The following GALNT14 variants were observed in gnomAD, a reference collection of about 807,000 sequenced individuals.
GALNT14 encodes the protein UDP-GalNAc:polypeptide N-acetylgalactosaminyltransferase 14.
GALNT14 carries 60 observed loss-of-function variants against 77.5 expected under a neutral mutation model. The ratio of observed to expected loss-of-function variants is 0.77; its 90% CI spans 0.63 to 0.96. GALNT14 has a LOEUF of 0.96. Ranked by LOEUF, GALNT14 falls within the 40% of genes least tolerant of loss-of-function variation. GALNT14 has a pLI of 0.00. For missense variants in GALNT14, 710 were observed against 731.0 expected (o/e 0.97, Z 0.33); for synonymous variants, 280 against 281.7 (o/e 0.99, Z 0.06).
chr2:31,114,646 T>TA, intron 1 of GALNT14: 1 of 652,360 alleles, frequency 1.5e-6, no homozygotes, highest in South Asian at 1.8e-5. Flanking sequence ...GAACAGACTC[T>TA]AAAAACCCAG....
chr2:31,032,713 C>T (rs905456041), intron 1 of GALNT14, among the ~76,000 whole-genome samples: 1 of 152,182 alleles, frequency 6.6e-6, no homozygotes, highest in African/African-American at 2.4e-5. Context: ...CTCTGCACAA[C>T]TCCATAGCAT....
intron 1 of GALNT14, among the ~76,000 whole-genome samples, chr2:31,055,050 C>A (rs949872571): frequency 1.3e-5 from 2 of 152,150 alleles, no homozygotes; most frequent in Non-Finnish European, 2.9e-5. Flanking sequence ...TGCATTAAAC[C>A]ATCTGAACAA....
intron 1 of GALNT14, among the ~76,000 whole-genome samples, chr2:31,056,706 T>A (rs1341801070): frequency 6.6e-6 from 1 of 152,168 alleles, no homozygotes; most frequent in African/African-American, 2.4e-5. Context: ...AATCGGGTAT[T>A]TCAAAATATT....
intron 9 of GALNT14, among the ~76,000 whole-genome samples, chr2:30,935,551 C>T (rs1450814370): frequency 2.0e-5 from 3 of 152,166 alleles, no homozygotes; most frequent in Non-Finnish European, 2.9e-5. Context: ...ATTGGAGGCA[C>T]GTGTCTTGAC....
chr2:31,129,448 C>T, intron 1 of GALNT14: 3 of 985,470 alleles, frequency 3.0e-6, no homozygotes, highest in Non-Finnish European at 3.6e-6. Flanking sequence ...ATAAAGACCA[C>T]CTGCCCACCA....
chr2:31,055,249 A>G (rs536223152), intron 1 of GALNT14, among the ~76,000 whole-genome samples: 72 of 152,368 alleles, frequency 4.7e-4, no homozygotes, highest in Admixed American at 8.5e-4. Context: ...AAGATCTGGA[A>G]AGTGTAAACC....
chr2:31,077,072 T>C (rs1263217558), intron 1 of GALNT14, among the ~76,000 whole-genome samples: 1 of 152,192 alleles, frequency 6.6e-6, no homozygotes, highest in African/African-American at 2.4e-5. Context: ...GCAGCTTCTG[T>C]TTATTGGATT....
intron 6 of GALNT14, among the ~76,000 whole-genome samples, chr2:30,952,897 G>A (rs12476223): frequency 0.03 from 4,531 of 152,200 alleles, 96 homozygotes; most frequent in Admixed American, 0.069. Flanking sequence ...CCCCTGCCAA[G>A]GGGTTTTCCA....
At chr2:31,113,459 C>T (rs1259470953) in intron 1 of GALNT14, among the ~76,000 whole-genome samples, 1 of 152,108 alleles carries the variant, frequency 6.6e-6, no homozygotes, top group Non-Finnish European at 1.5e-5. Flanking sequence ...GAAGGCAACT[C>T]CAGTCGTCAA....
At position 30,966,256 on chromosome 2, in the gene GALNT14, T is replaced by A; in HGVS notation, c.346A>T (p.Ile116Phe). Residue 116 changes from isoleucine to phenylalanine, a missense_variant, in exon 3 of 15, where the codon ATC becomes TTC. Ile to Phe is a conservative substitution (Grantham distance 21). Coordinates refer to ENST00000349752, the MANE Select transcript of GALNT14 (RefSeq NM_024572.4). The stretch of plus-strand genomic sequence containing the variant: ...CGGGCCTCGTTGTGGAAGGTGATGA[T>A]GATGCTAGTGGGTGGAAGGTCCGTG... ...YCTDLPPTSI[I>F]ITFHNEARST... is the part of the protein sequence containing the mutation. 4 of 1,613,964 alleles carry A rather than the reference T, an allele frequency of 2.5e-6. No homozygotes were observed. Among genetic ancestry groups the A allele is most frequent in the Non-Finnish European group, 3.4e-6 (4 of 1,179,948 alleles).
At chr2:30,906,197 A>C (rs1664138453), downstream of GALNT14, among the ~76,000 whole-genome samples, 1 of 150,998 alleles carries the variant, frequency 6.6e-6, no homozygotes, top group Non-Finnish European at 1.5e-5. Context: ...ACAGGATCAA[A>C]TTCACACATA....
At position 30,985,785 on chromosome 2, in the gene GALNT14, T is replaced by C. The variant is rs145658612; in HGVS notation, c.299+7053A>G. ...AATGTCACAGACGGGGAGAGCTTGT[T>C]TGCAAAAGCTAAGTATCTGTGATGG... On this transcript the variant is annotated intron_variant, in intron 2 of 14. Coordinates refer to ENST00000349752, the MANE Select transcript of GALNT14 (RefSeq NM_024572.4). Among the ~76,000 whole-genome samples, 27 of 152,288 alleles carry C rather than the reference T, an allele frequency of 1.8e-4. No homozygotes were observed. In the Middle Eastern group the frequency reaches 0.01, roughly 58 times the overall value.
intron 1 of GALNT14, among the ~76,000 whole-genome samples, chr2:31,055,184 G>T (rs371037349): frequency 1.3e-5 from 2 of 152,194 alleles, no homozygotes; most frequent in Non-Finnish European, 2.9e-5. Flanking sequence ...CTGCAGGCTC[G>T]CTGCTCTCAA....
chr2:30,905,621 A>C (rs1664121448), downstream of GALNT14, among the ~76,000 whole-genome samples: 1 of 152,036 alleles, frequency 6.6e-6, no homozygotes, highest in South Asian at 2.1e-4. Context: ...AATGGAACCA[A>C]GTTGGAAAAC....
chr2:30,922,044 G>C (rs997706045), intron 13 of GALNT14, among the ~76,000 whole-genome samples: 2 of 152,206 alleles, frequency 1.3e-5, no homozygotes, highest in Admixed American at 6.5e-5. Context: ...GCAGGAGAAA[G>C]AAGAGCCACA....
intron 1 of GALNT14, among the ~76,000 whole-genome samples, chr2:31,022,685 G>T (rs980506065): frequency 1.3e-5 from 2 of 152,182 alleles, no homozygotes; most frequent in African/African-American, 4.8e-5. Flanking sequence ...GGCAAACAAG[G>T]CCAGGTAAGG....
rs1489579954 is a variant in GALNT14 at position 30,940,684 on chromosome 2, C to T, written c.931+1517G>A. 2.0e-5 allele frequency among the ~76,000 whole-genome samples: 3 copies of T among 152,186 alleles called. No individual in the cohort carries two copies. In the South Asian group the frequency reaches 6.2e-4, roughly 32 times the overall value. On this transcript the variant is annotated intron_variant, in intron 9 of 14. Coordinates refer to ENST00000349752, the MANE Select transcript of GALNT14 (RefSeq NM_024572.4). Reference sequence around the variant, plus strand: ...TGTCAAGACATAAAAATGGGCTCCACCCCATAAGAGAGAAGTCCCTACCCC... The same window carrying T: ...TGTCAAGACATAAAAATGGGCTCCATCCCATAAGAGAGAAGTCCCTACCCC...
intron 1 of GALNT14, among the ~76,000 whole-genome samples, chr2:31,072,072 G>C (rs1477989371): frequency 6.6e-6 from 1 of 152,098 alleles, no homozygotes; most frequent in African/African-American, 2.4e-5. Context: ...AGATGTGCTA[G>C]AGACACGTGG....
chr2:31,037,070 T>C (rs1369326513), intron 1 of GALNT14, among the ~76,000 whole-genome samples: 2 of 152,180 alleles, frequency 1.3e-5, no homozygotes, highest in Admixed American at 6.5e-5. Flanking sequence ...TCTTCAAGCA[T>C]GTTCTCCCTC....
Sources: gnomAD v4.1 joint callset for allele counts (sites outside exome capture counted in the v4.1 genomes callset) on GRCh38, gnomAD v4.1.1 for gene constraint, MANE v1.5 for transcripts, NCBI Gene and HGNC (gene_info 2026-07-23, HGNC 2026-07-21) for gene names.